Variants in CCDC18 observed in about 807,000 individuals in gnomAD.
CCDC18 encodes coiled-coil domain containing 18, also known as coiled-coil domain-containing protein 18.
In CCDC18, 157 loss-of-function variants were observed where a neutral mutation model predicts 196.0. That is an observed-to-expected ratio of 0.80 (90% CI 0.70 to 0.91). CCDC18 has a LOEUF of 0.91. Among genes scored for constraint, CCDC18 ranks in the 40% least tolerant of loss-of-function variants. The pLI is 0.00. For synonymous variants in CCDC18, 482 were observed against 529.2 expected (o/e 0.91, Z 1.22); for missense variants, 1,465 against 1,611.6 (o/e 0.91, Z 1.56).
upstream of CCDC18, chr1:93,180,424 G>T: frequency 7.9e-7 from 1 of 1,266,388 alleles, no homozygotes; most frequent in Non-Finnish European, 1.1e-6. Context: ...AAAGGGTAGG[G>T]ACTCTGGGCG....
intron 5 of CCDC18, among the ~76,000 whole-genome samples, chr1:93,192,522 C>T (rs966430560): frequency 6.6e-6 from 1 of 152,216 alleles, no homozygotes; most frequent in Non-Finnish European, 1.5e-5. Flanking sequence ...GCCTCAGCCT[C>T]CTGGGTTCAA....
chr1:93,202,572 G>A (rs1654010203), intron 7 of CCDC18, among the ~76,000 whole-genome samples: 1 of 152,174 alleles, frequency 6.6e-6, no homozygotes, highest in Non-Finnish European at 1.5e-5. Context: ...ACTAATATGG[G>A]AGACTTCCAT....
In CCDC18 at chr1:93,193,708, A is replaced by G; in HGVS notation, c.662A>G (p.Lys221Arg). The G allele has an allele frequency of 2.5e-6, 4 of 1,585,192 alleles. No individual in the cohort carries two copies. Among genetic ancestry groups the G allele is most frequent in the South Asian group, 1.2e-5 (1 of 85,632 alleles). Residue 221 changes from lysine to arginine, a missense_variant, in exon 6 of 29, where the codon AAG becomes AGG. Coordinates refer to ENST00000690025, the MANE Select transcript of CCDC18 (RefSeq NM_001378204.1). Reference sequence around the variant, plus strand: ...TCCAAAGAGGAATGTATAAAATTAAAGGTGGACTTACTTGAACAAACCAAA... The same window carrying G: ...TCCAAAGAGGAATGTATAAAATTAAGGGTGGACTTACTTGAACAAACCAAA... ...QESKEECIKLKVDLLEQTKQG... is the reference protein window; with the variant it reads ...QESKEECIKLRVDLLEQTKQG...
chr1:93,213,365 C>T (rs1226823604), intron 11 of CCDC18, among the ~76,000 whole-genome samples: 1 of 151,374 alleles, frequency 6.6e-6, no homozygotes, highest in Non-Finnish European at 1.5e-5. Context: ...CCACCAGGAT[C>T]CTTTGTACTT....
chr1:93,258,370 GTT>G (rs1663313795), intron 25 of CCDC18, among the ~76,000 whole-genome samples: 1 of 151,988 alleles, frequency 6.6e-6, no homozygotes, highest in African/African-American at 2.4e-5. Flanking sequence ...GCATAAATAA[GTT>G]TGAATAAAAA....
Position 93,270,643 on chromosome 1 carries a change from G to A in CCDC18, c.4182G>A (p.Lys1394=). 3.2e-6 allele frequency: 5 copies of A among 1,550,346 alleles called. No individual in the cohort carries two copies. The highest frequency in any genetic ancestry group is 4.4e-6 in the Non-Finnish European group (5 of 1,146,872). The change falls in exon 28 of 29, where the codon AAG becomes AAA. Residue 1394 remains lysine (K), a synonymous_variant. Transcript: ENST00000690025. ...CTTCAACATTAGAAGAAAGCCATAA[G>A]AATCTGACTTACACCCAGCCAGACT... ...EQPSTLEESH[K]NLTYTQPDSF... is the part of the protein sequence containing the mutation.
chr1:93,194,302 C>G (rs567832306), intron 6 of CCDC18, among the ~76,000 whole-genome samples: 1 of 152,084 alleles, frequency 6.6e-6, no homozygotes, highest in African/African-American at 2.4e-5. Context: ...TGCCAGTTCA[C>G]TTTTAAACTG....
intron 7 of CCDC18, among the ~76,000 whole-genome samples, chr1:93,204,754 T>A (rs7554595): frequency 0.11 from 15,975 of 152,028 alleles, 2,725 homozygotes; most frequent in African/African-American, 0.36. Context: ...CTTTTTTTTT[T>A]AAATTTTATT....
intron 19 of CCDC18, 39 bp downstream of exon 19, chr1:93,236,429 A>AT (rs1408470464): frequency 6.4e-7 from 1 of 1,558,062 alleles, no homozygotes. Context: ...TCCCACTTCA[A>AT]TATCAGTGGT....
At chr1:93,257,872 A>G (rs1176209941) in intron 25 of CCDC18, among the ~76,000 whole-genome samples, 1 of 151,940 alleles carries the variant, frequency 6.6e-6, no homozygotes, top group East Asian at 1.9e-4. Flanking sequence ...ATATATATTG[A>G]TATGTTTTTC....
chr1:93,258,910 G>A (rs1663403537), intron 26 of CCDC18, 25 bp downstream of exon 26: 2 of 1,575,426 alleles, frequency 1.3e-6, no homozygotes, highest in Admixed American at 1.9e-5. Flanking sequence ...AATTTGTTTT[G>A]TTAGTGCCCA....
Position 93,192,084 on chromosome 1 carries a change from T to G in CCDC18, c.547T>G (p.Ser183Ala). 2 of 1,612,028 alleles carry G rather than the reference T, an allele frequency of 1.2e-6. No homozygotes were observed. Among genetic ancestry groups the G allele is most frequent in the Non-Finnish European group, 1.7e-6 (2 of 1,178,152 alleles). Residue 183 changes from serine to alanine, a missense_variant, in exon 5 of 29, where the codon TCA (serine) becomes GCA (alanine). Coordinates refer to ENST00000690025, the MANE Select transcript of CCDC18 (RefSeq NM_001378204.1). The stretch of plus-strand genomic sequence containing the variant: ...GATTATAAATTTGGAAGCAGAGGTT[T>G]CAGCTCAAGATAAAGTTTTGAGGTA... The part of the protein sequence containing the change: ...EQIINLEAEV[S>A]AQDKVLREAE...
At chr1:93,254,704 A>G in intron 24 of CCDC18, 90 bp downstream of exon 24, 1 of 1,210,718 alleles carries the variant, frequency 8.3e-7, no homozygotes, top group East Asian at 2.4e-5. Flanking sequence ...GTTTTAATAT[A>G]CAGAAACTGT....
At chr1:93,264,596 T>TTC in intron 26 of CCDC18, 105 bp from the exon 27 acceptor site, 1 of 666,758 alleles carries the variant, frequency 1.5e-6, no homozygotes, top group Non-Finnish European at 2.6e-6. Context: ...AATTTACTTT[T>TTC]TTTAAAGAAA....
chr1:93,270,911 CT>C (rs1665202265), intron 28 of CCDC18, 97 bp downstream of exon 28: 2 of 1,385,824 alleles, frequency 1.4e-6, no homozygotes, highest in African/African-American at 1.5e-5. Context: ...TGAAAAACTA[CT>C]AATATTTGAA....
At chr1:93,253,005 T>A (rs1570582225) in intron 23 of CCDC18, among the ~76,000 whole-genome samples, 3 of 152,346 alleles carry the variant, frequency 2.0e-5, no homozygotes, top group Non-Finnish European at 4.4e-5. Context: ...GTGGCCCAGA[T>A]GGGCATGTTT....
chr1:93,277,724 T>C (rs1665697970), intron 28 of CCDC18, among the ~76,000 whole-genome samples: 1 of 152,012 alleles, frequency 6.6e-6, no homozygotes, highest in African/African-American at 2.4e-5. Context: ...ACAGTAACAA[T>C]CTGATCTCTC....
intron 23 of CCDC18, among the ~76,000 whole-genome samples, chr1:93,248,045 T>G (rs1661731586): frequency 6.8e-6 from 1 of 147,318 alleles, no homozygotes; most frequent in South Asian, 2.2e-4. Flanking sequence ...AGATGGAGTC[T>G]TGCTCTGTCA....
intron 12 of CCDC18, 80 bp from the exon 13 acceptor site, chr1:93,216,556 G>C: frequency 1.6e-6 from 1 of 631,650 alleles, no homozygotes; most frequent in Non-Finnish European, 2.7e-6. Flanking sequence ...AACTTTGAAA[G>C]AGGAGCAGGT....
Sources: allele counts gnomAD v4.1 joint callset (sites outside exome capture counted in the v4.1 genomes callset), GRCh38; gene constraint gnomAD v4.1.1; transcripts MANE v1.5; gene names NCBI Gene and HGNC (gene_info 2026-07-23, HGNC 2026-07-21).